RABGAP1L: variants seen among roughly 807,000 people sequenced by gnomAD.
RABGAP1L encodes rab GTPase-activating protein 1-like.
RABGAP1L carries 63 observed loss-of-function variants against 137.7 expected under a neutral mutation model. The ratio of observed to expected loss-of-function variants is 0.46; its 90% confidence interval spans 0.37 to 0.56. RABGAP1L has a LOEUF of 0.56. Ranked by LOEUF, RABGAP1L falls within the 20% of genes least tolerant of loss-of-function variation. The probability of loss-of-function intolerance (pLI) is 0.00; values close to 1 mark genes in which losing one functional copy is unlikely to be tolerated. For missense variants in RABGAP1L, 1,095 were observed against 1,244.0 expected (o/e 0.88, Z 1.80); for synonymous variants, 431 against 433.7 (o/e 0.99, Z 0.08).
intron 13 of RABGAP1L, among the ~76,000 whole-genome samples, chr1:174,529,955 G>C (rs1237688370): frequency 6.6e-6 from 1 of 152,116 alleles, no homozygotes; most frequent in Non-Finnish European, 1.5e-5. Context: ...GCTCTGGCAT[G>C]GAGAAGGCAA....
chr1:174,981,124 G>T (rs1250596229), intron 23 of RABGAP1L, among the ~76,000 whole-genome samples: 1 of 152,082 alleles, frequency 6.6e-6, no homozygotes, highest in African/African-American at 2.4e-5. Context: ...TAATCCTGGG[G>T]ACTATTCTTG....
At chr1:174,568,348 T>G (rs1434630089) in intron 13 of RABGAP1L, among the ~76,000 whole-genome samples, 1 of 152,086 alleles carries the variant, frequency 6.6e-6, no homozygotes, top group Non-Finnish European at 1.5e-5. Context: ...AACATGAGAT[T>G]TGGAGGGAAC....
chr1:174,238,907 A>C (rs1444969989), intron 4 of RABGAP1L: 2 of 162,320 alleles, frequency 1.2e-5, no homozygotes, highest in Non-Finnish European at 2.6e-5. Flanking sequence ...CTGCTGTGCT[A>C]GCAATCAGCG....
chr1:174,239,140 C>T lies in RABGAP1L; in HGVS notation c.543-2343C>T, dbSNP rs185460875. 1.6e-3 allele frequency among the ~76,000 whole-genome samples: 239 copies of T among 152,286 alleles called. 1 individual carries two copies. Among genetic ancestry groups the T allele is most frequent in the East Asian group, 0.012 (64 of 5,170 alleles). ...CCTGCTTCGGCTCGCGCACCGTGCGCGCACCAACTGGCCTGCGCCCACTGT... is the reference window on the plus strand; with the variant it reads ...CCTGCTTCGGCTCGCGCACCGTGCGTGCACCAACTGGCCTGCGCCCACTGT... On this transcript the variant is annotated intron_variant, in intron 4 of 25. Transcript: ENST00000681986.
chr1:174,475,766 G>A (rs1053586755), intron 13 of RABGAP1L, among the ~76,000 whole-genome samples: 4 of 87,558 alleles, frequency 4.6e-5, no homozygotes, highest in East Asian at 3.4e-4. Flanking sequence ...CTGAGACCCC[G>A]TGTCTTAAAA....
At chr1:174,342,819 A>G (rs1682090604) in intron 11 of RABGAP1L, among the ~76,000 whole-genome samples, 1 of 151,678 alleles carries the variant, frequency 6.6e-6, no homozygotes, top group Non-Finnish European at 1.5e-5. Flanking sequence ...GCTCACTGCA[A>G]CTTCCGACTC....
intron 13 of RABGAP1L, among the ~76,000 whole-genome samples, chr1:174,568,043 C>T (rs924705541): frequency 2.6e-5 from 4 of 152,146 alleles, no homozygotes; most frequent in African/African-American, 9.7e-5. Context: ...TTTATTTTGT[C>T]ACATGATCCG....
At chr1:174,502,497 C>T (rs1027384625) in intron 13 of RABGAP1L, among the ~76,000 whole-genome samples, 2 of 146,596 alleles carry the variant, frequency 1.4e-5, no homozygotes, top group Non-Finnish European at 3.0e-5. Flanking sequence ...GAATGAAAAC[C>T]AAATAACACA....
intron 19 of RABGAP1L, among the ~76,000 whole-genome samples, chr1:174,893,513 C>T (rs890423855): frequency 6.6e-6 from 1 of 152,150 alleles, no homozygotes; most frequent in Admixed American, 6.5e-5. Context: ...ATGCATATAC[C>T]TGCATAAATT....
chr1:174,775,074 A>G (rs1686419294), intron 18 of RABGAP1L, among the ~76,000 whole-genome samples: 1 of 152,154 alleles, frequency 6.6e-6, no homozygotes, highest in African/African-American at 2.4e-5. Context: ...GTACATGGTT[A>G]AAGTCAGACA....
At position 174,200,200 on chromosome 1, in the gene RABGAP1L, C is replaced by G. The variant is rs78644971; in HGVS notation, c.-33-18925C>G. ...CACATCTCATATGTGTGTGAAAACC[C>G]AGTTATCATGCTTATGAACTACAAA... On this transcript the variant is annotated intron_variant, in intron 1 of 25. Transcript: ENST00000681986. Among the ~76,000 whole-genome samples the G allele has an allele frequency of 1.0e-3, 156 of 152,332 alleles. No homozygotes were observed. In the East Asian group the frequency reaches 0.021, roughly 21 times the overall value.
chr1:174,475,806 T>TCTTTGGC (rs1658445411), intron 13 of RABGAP1L, among the ~76,000 whole-genome samples: 2 of 143,134 alleles, frequency 1.4e-5, no homozygotes, highest in Admixed American at 1.4e-4. Context: ...AAAGGTCAGA[T>TCTTTGGC]CTTTGGCCAT....
At chr1:174,265,244 A>G (rs571529634) in intron 7 of RABGAP1L, among the ~76,000 whole-genome samples, 7 of 152,346 alleles carry the variant, frequency 4.6e-5, no homozygotes, top group East Asian at 3.9e-4. Flanking sequence ...CAAATAATGT[A>G]TCACTATCTG....
intron 20 of RABGAP1L, among the ~76,000 whole-genome samples, chr1:174,961,185 T>G (rs561945551): frequency 6.6e-6 from 1 of 152,308 alleles, no homozygotes; most frequent in South Asian, 2.1e-4. Flanking sequence ...CATTTTGGTT[T>G]GTAAATTTAG....
chr1:174,719,340 TTAAC>T (rs1228855257), intron 17 of RABGAP1L, among the ~76,000 whole-genome samples: 2 of 152,234 alleles, frequency 1.3e-5, no homozygotes, highest in Non-Finnish European at 2.9e-5. Context: ...ACGTAATATA[TTAAC>T]TGTCTTCCTA....
intron 12 of RABGAP1L, among the ~76,000 whole-genome samples, chr1:174,373,167 G>A (rs1685245340): frequency 6.6e-6 from 1 of 152,158 alleles, no homozygotes; most frequent in South Asian, 2.1e-4. Flanking sequence ...AGATGGTCCT[G>A]AGTTAGGACA....
In RABGAP1L at chr1:174,349,123, G is replaced by A. The variant is rs560668964; in HGVS notation, c.1466-21856G>A. ...CGGGGGGCTGACACCCCCACCTCCC[G>A]GACGGGGCGGCTGGCCGGGCAGAGG... On this transcript the variant is annotated intron_variant, in intron 11 of 25. Transcript: ENST00000681986. Among the ~76,000 whole-genome samples, 46 of 64,578 alleles carry A rather than the reference G, an allele frequency of 7.1e-4. 4 individuals are homozygous for A. The East Asian group carries it at 7.8e-3, about 11-fold the overall frequency. The allele number at this position is 64,578 out of a possible 152,430, so 42.4% of individuals were successfully genotyped here.
At chr1:174,897,699 G>A (rs1328829037) in intron 19 of RABGAP1L, 1 of 152,190 alleles carries the variant, frequency 6.6e-6, no homozygotes, top group Admixed American at 6.6e-5. Flanking sequence ...TCTTCAAAGG[G>A]AGAGAATTGG....
At chr1:174,502,624 A>G (rs1209187865) in intron 13 of RABGAP1L, among the ~76,000 whole-genome samples, 2 of 145,584 alleles carry the variant, frequency 1.4e-5, no homozygotes, top group Admixed American at 6.9e-5. Flanking sequence ...ATATATATGT[A>G]CATATATATG....
Sources: gnomAD v4.1 joint callset for allele counts (sites outside exome capture counted in the v4.1 genomes callset) on GRCh38, gnomAD v4.1.1 for gene constraint, MANE v1.5 for transcripts, NCBI Gene and HGNC (gene_info 2026-07-23, HGNC 2026-07-21) for gene names.